RGS6: variants seen among roughly 807,000 people sequenced by gnomAD.
The protein encoded by RGS6 is regulator of G-protein signaling 6.
RGS6 carries 30 observed loss-of-function variants against 78.5 expected under a neutral mutation model. The observed-to-expected ratio is 0.38, with a 90% CI of 0.29 to 0.52. RGS6 has a LOEUF of 0.52. RGS6 is among the 20% of genes least tolerant of loss of function. The probability of loss-of-function intolerance (pLI) is 0.85; values close to 1 mark genes in which losing one functional copy is unlikely to be tolerated. For synonymous variants in RGS6, 206 were observed against 206.0 expected (o/e 1.00, Z 0.00); for missense variants, 495 against 609.7 (o/e 0.81, Z 1.98).
At chr14:72,144,146 T>G (rs1435224012) in intron 2 of RGS6, among the ~76,000 whole-genome samples, 1 of 152,192 alleles carries the variant, frequency 6.6e-6, no homozygotes, top group Non-Finnish European at 1.5e-5. Flanking sequence ...CCTGGTATAT[T>G]TACTGTGGAA....
the RGS6 span, among the ~76,000 whole-genome samples, chr14:71,874,108 G>A: frequency 1.3e-5 from 2 of 152,066 alleles, no homozygotes; most frequent in African/African-American, 4.8e-5. Flanking sequence ...TTGCTTAGGA[G>A]TGTCTTGGCA....
chr14:72,246,343 G>A (rs2054211497), intron 2 of RGS6, among the ~76,000 whole-genome samples: 1 of 152,094 alleles, frequency 6.6e-6, no homozygotes, highest in African/African-American at 2.4e-5. Flanking sequence ...CAATTCTAAG[G>A]GTAAAGTGAC....
intron 2 of RGS6, among the ~76,000 whole-genome samples, chr14:72,099,160 C>G (rs903774081): frequency 6.6e-6 from 1 of 152,010 alleles, no homozygotes; most frequent in African/African-American, 2.4e-5. Context: ...AGATGAGCAG[C>G]AGTTTTTTTG....
At chr14:72,465,662 G>GGATGGATGGT in intron 6 of RGS6, 96 bp from the exon 7 acceptor site, 1 of 443,042 alleles carries the variant, frequency 2.3e-6, no homozygotes, top group Non-Finnish European at 4.0e-6. Context: ...GGATGGATGG[G>GGATGGATGGT]TGAATGGGTG....
chr14:72,522,067 G>C (rs969107662), intron 15 of RGS6, among the ~76,000 whole-genome samples: 5 of 152,128 alleles, frequency 3.3e-5, no homozygotes, highest in Admixed American at 3.3e-4. Flanking sequence ...GTCTGCTCAG[G>C]CTGCTACCAC....
the RGS6 span, among the ~76,000 whole-genome samples, chr14:71,872,661 T>C: frequency 6.6e-6 from 1 of 152,216 alleles, no homozygotes; most frequent in African/African-American, 2.4e-5. Context: ...TTTATTATTA[T>C]ACTTTAAGTT....
chr14:72,402,363 G>A (rs200197203), intron 3 of RGS6, among the ~76,000 whole-genome samples: 3 of 152,130 alleles, frequency 2.0e-5, no homozygotes, highest in East Asian at 3.8e-4. Flanking sequence ...AAGCAACTTC[G>A]CATATATCTT....
the RGS6 span, among the ~76,000 whole-genome samples, chr14:72,595,467 T>TAAC: frequency 1.6e-4 from 24 of 151,788 alleles, no homozygotes; most frequent in African/African-American, 2.9e-4. Flanking sequence ...CCTCTTAGTT[T>TAAC]AAACAAACAA....
chr14:72,202,559 C>T (rs775354239), intron 2 of RGS6, among the ~76,000 whole-genome samples: 17 of 152,128 alleles, frequency 1.1e-4, no homozygotes, highest in Admixed American at 3.3e-4. Context: ...AAAAATATCT[C>T]GCTCTCCTGA....
At chr14:71,934,518 A>G (rs1259033481) in intron 1 of RGS6, among the ~76,000 whole-genome samples, 1 of 152,242 alleles carries the variant, frequency 6.6e-6, no homozygotes, top group Non-Finnish European at 1.5e-5. Context: ...TTTCAGTAAA[A>G]CAAGACTAGA....
intron 2 of RGS6, among the ~76,000 whole-genome samples, chr14:72,313,869 T>G (rs2069313510): frequency 1.3e-5 from 2 of 152,246 alleles, no homozygotes; most frequent in South Asian, 4.1e-4. Flanking sequence ...CTGCCATGTA[T>G]CTAAGCACAA....
the RGS6 span, among the ~76,000 whole-genome samples, chr14:71,868,528 A>C: frequency 2.0e-5 from 3 of 152,222 alleles, no homozygotes; most frequent in African/African-American, 7.2e-5. Context: ...ACTGTTTTAC[A>C]TCAATGGTAT....
chr14:72,356,329 TGCC>T (rs1262273338), intron 3 of RGS6, among the ~76,000 whole-genome samples: 1 of 152,158 alleles, frequency 6.6e-6, no homozygotes. Context: ...CTCTCTCTCC[TGCC>T]GCTATGTAAG....
the RGS6 span, among the ~76,000 whole-genome samples, chr14:72,606,332 T>C: frequency 6.6e-6 from 1 of 152,148 alleles, no homozygotes; most frequent in Non-Finnish European, 1.5e-5. Flanking sequence ...TAGAAACTCA[T>C]GCCTGTATCT....
chr14:72,085,640 G>A (rs2094998259), intron 2 of RGS6, among the ~76,000 whole-genome samples: 1 of 152,040 alleles, frequency 6.6e-6, no homozygotes, highest in African/African-American at 2.4e-5. Flanking sequence ...GATCATTTGA[G>A]GTCAGGAGTT....
intron 2 of RGS6, among the ~76,000 whole-genome samples, chr14:72,347,974 G>A (rs1271639487): frequency 6.6e-6 from 1 of 152,198 alleles, no homozygotes; most frequent in Non-Finnish European, 1.5e-5. Context: ...TTAATGGGTT[G>A]TATAGTGTAA....
chr14:72,364,145 C>A (rs967545232), intron 3 of RGS6, among the ~76,000 whole-genome samples: 4 of 152,010 alleles, frequency 2.6e-5, no homozygotes, highest in Admixed American at 2.0e-4. Context: ...ACTGCACAGA[C>A]CAATCACTAG....
chr14:72,193,442 A>G (rs1163118874), intron 2 of RGS6, among the ~76,000 whole-genome samples: 2 of 152,214 alleles, frequency 1.3e-5, no homozygotes, highest in Non-Finnish European at 2.9e-5. Flanking sequence ...GCACGACCTC[A>G]GGAATCGGCT....
intron 2 of RGS6, among the ~76,000 whole-genome samples, chr14:72,005,439 C>CTCTATCTATCTA (rs148163713): frequency 0.048 from 6,911 of 143,552 alleles, 218 homozygotes; most frequent in African/African-American, 0.085. Context: ...ACCTGCATAT[C>CTCTATCTATCTA]TCTATCTATC....
Sources: gnomAD v4.1 joint callset for allele counts (sites outside exome capture counted in the v4.1 genomes callset) on GRCh38, gnomAD v4.1.1 for gene constraint, MANE v1.5 for transcripts, NCBI Gene and HGNC (gene_info 2026-07-23, HGNC 2026-07-21) for gene names.